DCC: variants seen among roughly 807,000 people sequenced by gnomAD.
DCC encodes the protein netrin receptor DCC.
Under a neutral mutation model 172.5 loss-of-function variants are expected in DCC, and 58 were observed. The ratio of observed to expected loss-of-function variants is 0.34; its 90% CI spans 0.27 to 0.42. The LOEUF is 0.42. DCC is among the 10% of genes least tolerant of loss of function. The pLI is 1.00. For synonymous variants in DCC, 709 were observed against 644.5 expected, an observed-to-expected ratio of 1.10 and a Z score of -1.52; for missense variants, 1,740 against 1,791.0, an observed-to-expected ratio of 0.97 and a Z score of 0.51.
intron 15 of DCC, among the ~76,000 whole-genome samples, chr18:53,380,291 C>T (rs534449169): frequency 5.3e-5 from 8 of 152,260 alleles, no homozygotes; most frequent in African/African-American, 1.9e-4. Context: ...AAATTACACC[C>T]TTCTTACATA....
chr18:53,253,944 A>C (rs900741467), intron 12 of DCC, among the ~76,000 whole-genome samples: 2 of 152,040 alleles, frequency 1.3e-5, no homozygotes, highest in African/African-American at 4.8e-5. Flanking sequence ...TATAGGAATC[A>C]GTGTTAGATG....
At chr18:52,515,709 C>T (rs1415201578) in intron 1 of DCC, among the ~76,000 whole-genome samples, 2 of 148,960 alleles carry the variant, frequency 1.3e-5, no homozygotes, top group African/African-American at 4.9e-5. Context: ...AGTCCTCACA[C>T]TCCAAAAGAA....
At chr18:53,482,076 G>A (rs2045839064) in intron 25 of DCC, among the ~76,000 whole-genome samples, 1 of 151,980 alleles carries the variant, frequency 6.6e-6, no homozygotes, top group South Asian at 2.1e-4. Flanking sequence ...GTGTGTGTTT[G>A]TGTGTGTGTG....
intron 9 of DCC, among the ~76,000 whole-genome samples, chr18:53,195,501 C>T (rs1192893078): frequency 2.6e-5 from 4 of 152,080 alleles, no homozygotes; most frequent in African/African-American, 7.2e-5. Context: ...TTCCTCAATA[C>T]GAGATGAAAT....
intron 20 of DCC, among the ~76,000 whole-genome samples, chr18:53,412,884 A>T (rs1276586635): frequency 1.3e-5 from 2 of 152,198 alleles, no homozygotes. Flanking sequence ...CTGTAAACTT[A>T]TGTAGGTACA....
intron 9 of DCC, among the ~76,000 whole-genome samples, chr18:53,186,085 G>T (rs2055278294): frequency 6.6e-6 from 1 of 152,124 alleles, no homozygotes; most frequent in South Asian, 2.1e-4. Context: ...GCTTCTGCTG[G>T]CTCTCTTATT....
chr18:52,880,871 A>G (rs1421295853), intron 2 of DCC, among the ~76,000 whole-genome samples: 1 of 152,108 alleles, frequency 6.6e-6, no homozygotes, highest in Non-Finnish European at 1.5e-5. Flanking sequence ...TTTTAGGTAT[A>G]TATGCAGTAG....
intron 13 of DCC, among the ~76,000 whole-genome samples, chr18:53,314,592 T>A (rs62097994): frequency 0.3 from 45,379 of 152,154 alleles, 8,656 homozygotes; most frequent in Non-Finnish European, 0.44. Flanking sequence ...CAGCATTATA[T>A]GAGCCATTTG....
intron 7 of DCC, among the ~76,000 whole-genome samples, chr18:53,109,206 T>C (rs1402880148): frequency 6.6e-6 from 1 of 151,508 alleles, no homozygotes; most frequent in Admixed American, 6.6e-5. Flanking sequence ...GTGAAATGCC[T>C]ACTCAGGTCT....
At chr18:52,361,055 G>T (rs74796234) in intron 1 of DCC, among the ~76,000 whole-genome samples, 1,810 of 152,254 alleles carry the variant, frequency 0.012, 25 homozygotes, top group Non-Finnish European at 0.02. Context: ...TCACAGCAGC[G>T]CAAAGTGATG....
intron 12 of DCC, among the ~76,000 whole-genome samples, chr18:53,232,820 A>ATAT (rs1333461958): frequency 6.6e-6 from 1 of 152,056 alleles, no homozygotes; most frequent in Non-Finnish European, 1.5e-5. Context: ...AAAACCTTAA[A>ATAT]CTTCAAAACC....
chr18:53,514,636 A>T (rs1009483858), intron 27 of DCC, among the ~76,000 whole-genome samples: 25 of 152,220 alleles, frequency 1.6e-4, no homozygotes, highest in African/African-American at 4.3e-4. Context: ...GATCCCACAG[A>T]AATACAAACT....
chr18:53,034,159 GTTTA>G (rs908650572), intron 5 of DCC, among the ~76,000 whole-genome samples: 3 of 151,688 alleles, frequency 2.0e-5, no homozygotes, highest in African/African-American at 7.3e-5. Flanking sequence ...CTTTCAAATT[GTTTA>G]TTTATATCCC....
intron 15 of DCC, among the ~76,000 whole-genome samples, chr18:53,342,436 C>T (rs2057669567): frequency 6.6e-6 from 1 of 151,812 alleles, no homozygotes; most frequent in African/African-American, 2.4e-5. Context: ...TTTTAAAACT[C>T]ACTATCTACC....
intron 1 of DCC, among the ~76,000 whole-genome samples, chr18:52,589,605 A>T (rs1241545901): frequency 6.6e-6 from 1 of 152,178 alleles, no homozygotes; most frequent in Non-Finnish European, 1.5e-5. Flanking sequence ...TTTTTGTACA[A>T]TCCTCTTCTC....
chr18:53,204,489 G>A (rs2144547608), intron 9 of DCC, among the ~76,000 whole-genome samples: 1 of 151,972 alleles, frequency 6.6e-6, no homozygotes, highest in East Asian at 1.9e-4. Context: ...CAAGGTTGCA[G>A]TGAGATGTGA....
chr18:52,552,157 A>G (rs1377179142), intron 1 of DCC, among the ~76,000 whole-genome samples: 4 of 151,902 alleles, frequency 2.6e-5, no homozygotes, highest in African/African-American at 9.7e-5. Context: ...ATAGGTAGGT[A>G]CATGAAAATA....
chr18:53,270,048 C>G (rs1026462991), intron 12 of DCC, among the ~76,000 whole-genome samples: 1 of 152,112 alleles, frequency 6.6e-6, no homozygotes, highest in Admixed American at 6.6e-5. Context: ...CTCCATTGGG[C>G]TGTTTATGCT....
rs116054601 is a variant in DCC, at chr18:52,711,568, C to T, written c.92-40486C>T. On this transcript the variant is annotated intron_variant, in intron 1 of 28. Coordinates refer to ENST00000442544, the MANE Select transcript of DCC (RefSeq NM_005215.4). ...GAAGTTTGTTCTTGACTTGCCAAGG[C>T]TGTTGGTGTGCTCTCAGACTTTAAG... Among the ~76,000 whole-genome samples the T allele has an allele frequency of 4.3e-3, 656 of 152,302 alleles. 6 individuals are homozygous for T. The highest frequency in any genetic ancestry group is 0.015 in the African/African-American group (633 of 41,560).
Sources: gnomAD v4.1 joint callset for allele counts (sites outside exome capture counted in the v4.1 genomes callset) on GRCh38, gnomAD v4.1.1 for gene constraint, MANE v1.5 for transcripts, NCBI Gene and HGNC (gene_info 2026-07-23, HGNC 2026-07-21) for gene names.